Variants in C16orf46 observed in about 807,000 individuals in gnomAD.
C16orf46 encodes uncharacterized protein C16orf46.
In C16orf46, 7 loss-of-function variants were observed where a neutral mutation model predicts 5.5. The ratio of observed to expected loss-of-function variants is 1.28; its 90% confidence interval spans 0.73 to 2.40. C16orf46 has a LOEUF of 2.40. Among genes scored for constraint, C16orf46 ranks in the 30% most tolerant of loss-of-function variants. The pLI, the probability that C16orf46 is intolerant of heterozygous loss-of-function variation, is 0.00. For missense variants in C16orf46, 614 were observed against 476.0 expected (o/e 1.29, Z -2.70); for synonymous variants, 200 against 184.1 (o/e 1.09, Z -0.70).
At chr16:81,074,038 A>T (rs57926697) in intron 1 of C16orf46, among the ~76,000 whole-genome samples, 2,032 of 152,336 alleles carry the variant, frequency 0.013, 46 homozygotes, top group African/African-American at 0.045. Flanking sequence ...CTTTACAGGA[A>T]TGTTTTTTCT....
Position 81,062,095 on chromosome 16 carries a change from G to A in C16orf46, c.254C>T (p.Pro85Leu), listed in dbSNP as rs540126191. 1.8e-5 allele frequency: 29 copies of A among 1,605,754 alleles called. No homozygotes were observed. Among genetic ancestry groups the A allele is most frequent in the Admixed American group, 1.7e-4 (10 of 59,764 alleles). The change falls in exon 4 of 4, where the codon CCG becomes CTG. Residue 85 changes from proline to leucine, a missense_variant. Coordinates refer to ENST00000299578, the MANE Select transcript of C16orf46 (RefSeq NM_152337.3). ...CCTCGCCTTTTTTGGTATCTTCCTCGGCCAGATGCAGGCAGCTGGAGAAGT... is the reference window on the plus strand; with the variant it reads ...CCTCGCCTTTTTTGGTATCTTCCTCAGCCAGATGCAGGCAGCTGGAGAAGT... ...GRTSPAACIW[P>L]RKIPKKARVG...
At chr16:81,060,961 A>G, downstream of C16orf46, 3 of 1,360,820 alleles carry the variant, frequency 2.2e-6, no homozygotes, top group Non-Finnish European at 2.8e-6. Context: ...GTTTTAGAAA[A>G]TAAATCCCAA....
At chr16:81,067,922 A>G (rs1188487302) in intron 1 of C16orf46, among the ~76,000 whole-genome samples, 1 of 152,256 alleles carries the variant, frequency 6.6e-6, no homozygotes, top group Non-Finnish European at 1.5e-5. Flanking sequence ...AGATCTACAA[A>G]AAAGATATAA....
chr16:81,067,986 T>A (rs903728117), intron 1 of C16orf46, among the ~76,000 whole-genome samples: 1 of 152,214 alleles, frequency 6.6e-6, no homozygotes, highest in African/African-American at 2.4e-5. Context: ...GAAATATTTG[T>A]CCAATTATTC....
chr16:81,073,743 G>A (rs180740035), intron 1 of C16orf46, among the ~76,000 whole-genome samples: 1 of 152,316 alleles, frequency 6.6e-6, no homozygotes, highest in Admixed American at 6.5e-5. Flanking sequence ...TGGCTTTGAT[G>A]AAGTGGGGGT....
chr16:81,075,917 C>G (rs1972024185), intron 1 of C16orf46, among the ~76,000 whole-genome samples: 1 of 152,168 alleles, frequency 6.6e-6, no homozygotes. Flanking sequence ...ATGGTAATCT[C>G]TCAAAACTCC....
At position 81,068,565 on chromosome 16, in the gene C16orf46, AT is replaced by A. The variant is rs33943128; in HGVS notation, c.-127-2285del. On this transcript the variant is annotated intron_variant, in intron 1 of 3. Transcript: ENST00000299578. ...AGAAAGGGCCTTTGTATTTCTTTGT[AT>A]TTTTTTTTTTTTTTTTTGAGATGGG... 1.1e-3 allele frequency among the ~76,000 whole-genome samples: 143 copies of A among 131,332 alleles called. 1 individual carries two copies. Among genetic ancestry groups the A allele is most frequent in the African/African-American group, 3.8e-3 (135 of 35,412 alleles). The allele number at this position is 131,332 out of a possible 152,430, so 86.2% of individuals were successfully genotyped here. A position where few individuals can be genotyped will look rare whatever the true frequency, so the allele number is the denominator to read the frequency against.
intron 3 of C16orf46, chr16:81,055,425 G>C (rs1031470569): frequency 6.6e-6 from 1 of 152,140 alleles, no homozygotes; most frequent in African/African-American, 2.4e-5. Context: ...TGGGCATGGG[G>C]GCTCATGCCT....
chr16:81,058,286 C>G (rs914942609), downstream of C16orf46, among the ~76,000 whole-genome samples: 3 of 152,166 alleles, frequency 2.0e-5, no homozygotes, highest in Non-Finnish European at 2.9e-5. Context: ...CTTATTTTTA[C>G]TTATTGCAGT....
intron 1 of C16orf46, among the ~76,000 whole-genome samples, chr16:81,074,646 G>A (rs1971966264): frequency 6.6e-6 from 1 of 152,058 alleles, no homozygotes; most frequent in Non-Finnish European, 1.5e-5. Context: ...GCCTCCCAAA[G>A]TGTTGGGATT....
intron 2 of C16orf46, among the ~76,000 whole-genome samples, chr16:81,064,376 AAAAG>A (rs1359965002): frequency 1.4e-5 from 2 of 146,572 alleles, no homozygotes; most frequent in South Asian, 4.4e-4. Flanking sequence ...AAAAAAAAAG[AAAAG>A]AAAGAAAGAA....
downstream of C16orf46, chr16:81,060,900 G>C: frequency 9.5e-7 from 1 of 1,053,908 alleles, no homozygotes; most frequent in African/African-American, 1.6e-5. Flanking sequence ...AGACCAATTG[G>C]CATTTTGTGA....
rs569846745 is a variant in C16orf46, at chr16:81,064,889, G to A, written c.-38-896C>T. On this transcript the variant is annotated intron_variant, in intron 2 of 3. Coordinates refer to ENST00000299578, the MANE Select transcript of C16orf46 (RefSeq NM_152337.3). ...TGCCAAAACTTTGATTTTGGACTTTGAGAATCCAGACCTATGAGGTAATAC... is the reference window on the plus strand; with the variant it reads ...TGCCAAAACTTTGATTTTGGACTTTAAGAATCCAGACCTATGAGGTAATAC... Among the ~76,000 whole-genome samples the A allele has an allele frequency of 8.5e-5, 13 of 152,300 alleles. No individual in the cohort carries two copies. In the East Asian group the frequency reaches 2.1e-3, roughly 25 times the overall value.
At chr16:81,076,587 G>A (rs1972048422) in intron 1 of C16orf46, 1 of 152,210 alleles carries the variant, frequency 6.6e-6, no homozygotes, top group East Asian at 1.9e-4. Flanking sequence ...AGAATAAAAA[G>A]CTAAAGCAGC....
At chr16:81,066,612 G>C (rs71400139) in intron 1 of C16orf46, among the ~76,000 whole-genome samples, 6,047 of 152,272 alleles carry the variant, frequency 0.04, 159 homozygotes, top group Admixed American at 0.065. Context: ...GAAAAGAGTG[G>C]ATATGTGATT....
chr16:81,064,959 C>T (rs1459408441), intron 2 of C16orf46, among the ~76,000 whole-genome samples: 2 of 152,132 alleles, frequency 1.3e-5, no homozygotes, highest in Non-Finnish European at 1.5e-5. Flanking sequence ...ATTGTCATGA[C>T]GCCCCTAGCA....
At chr16:81,076,010 T>A (rs148291644) in intron 1 of C16orf46, among the ~76,000 whole-genome samples, 1 of 152,314 alleles carries the variant, frequency 6.6e-6, no homozygotes, top group African/African-American at 2.4e-5. Context: ...TTTAAAGGAA[T>A]CTTAAATTCC....
chr16:81,070,489 C>A (rs888051474), intron 1 of C16orf46, among the ~76,000 whole-genome samples: 1 of 152,056 alleles, frequency 6.6e-6, no homozygotes, highest in Admixed American at 6.6e-5. Flanking sequence ...GAAATACACC[C>A]CCCCAAACAT....
At position 81,062,162 on chromosome 16, in the gene C16orf46, T is replaced by G. The variant is rs368491503; in HGVS notation, c.211-24A>C. 1.9e-3 allele frequency: 2,978 copies of G among 1,530,526 alleles called. 3 individuals carry two copies. The highest frequency in any genetic ancestry group is 2.5e-3 in the Non-Finnish European group (2,878 of 1,143,500). The allele number at this position is 1,530,526 out of a possible 1,614,324, so 94.8% of individuals were successfully genotyped here. On this transcript the variant is annotated intron_variant, in intron 3 of 3. Transcript: ENST00000299578. ...ACCTGCAAATAAAGCGGCATGTTAC[T>G]CCTCCAGCTGAGGGGCCCAAACTGT...
Sources: allele counts gnomAD v4.1 joint callset (sites outside exome capture counted in the v4.1 genomes callset), GRCh38; gene constraint gnomAD v4.1.1; transcripts MANE v1.5; gene names NCBI Gene and HGNC (gene_info 2026-07-23, HGNC 2026-07-21).